DENND1A: variants seen among roughly 807,000 people sequenced by gnomAD.
DENND1A encodes the protein DENN domain containing 1A, also known as DENN domain-containing protein 1A.
DENND1A carries 51 observed loss-of-function variants against 113.7 expected under a neutral mutation model. The ratio of observed to expected loss-of-function variants is 0.45; its 90% CI spans 0.36 to 0.57. The LOEUF (loss-of-function observed/expected upper bound fraction) is 0.57. Among genes scored for constraint, DENND1A ranks in the 20% least tolerant of loss-of-function variants. The probability of loss-of-function intolerance (pLI) is 0.00; values close to 1 mark genes in which losing one functional copy is unlikely to be tolerated. For synonymous variants in DENND1A, 565 were observed against 570.8 expected, an observed-to-expected ratio of 0.99 and a Z score of 0.14; for missense variants, 1,258 against 1,395.9, an observed-to-expected ratio of 0.90 and a Z score of 1.57.
At position 123,422,572 on chromosome 9, in the gene DENND1A, C is replaced by T. The variant is rs184294786; in HGVS notation, c.1489-10743G>A. On this transcript the variant is annotated intron_variant, in intron 19 of 23. Transcript: ENST00000394215. The surrounding 1 kb of genome is among the most constrained non-coding windows in gnomAD (Gnocchi z 4.8). The stretch of plus-strand genomic sequence containing the variant: ...AGAACCTGGTTTTAAAATTCCTGGA[C>T]CTTGGAATACATTTCTATCTGTGTC... 7.9e-5 allele frequency among the ~76,000 whole-genome samples: 12 copies of T among 152,010 alleles called. No individual in the cohort carries two copies. Among genetic ancestry groups the T allele is most frequent in the Non-Finnish European group, 1.5e-4 (10 of 68,000 alleles).
At chr9:123,691,993 C>T (rs1296724269) in intron 5 of DENND1A, among the ~76,000 whole-genome samples, 1 of 152,166 alleles carries the variant, frequency 6.6e-6, no homozygotes, top group Non-Finnish European at 1.5e-5. Flanking sequence ...GAAGCAGTGT[C>T]CATTGTGAGA....
At chr9:123,545,570 C>T (rs2056612998) in intron 13 of DENND1A, among the ~76,000 whole-genome samples, 3 of 151,926 alleles carry the variant, frequency 2.0e-5, no homozygotes, top group African/African-American at 7.3e-5. Context: ...GGGTTCACAC[C>T]ATTCTCCTGC....
Position 123,387,840 on chromosome 9 carries a change from T to C in DENND1A, c.1650A>G (p.Arg550=), listed in dbSNP as rs562499486. ...CTTCGGAGAGGAAGACCGCATAGTG[T>C]CGCAAGGGCTTTACCAGGCTGGGGC... is the stretch of plus-strand genomic sequence containing the variant. ...PSPEHLVKPL[R]HYAVFLSEDS... is the part of the protein sequence containing the mutation. The change falls in exon 22 of 24, where the codon CGA becomes CGG. Residue 550 remains arginine, a synonymous_variant. Transcript: ENST00000394215. The C allele has an allele frequency of 4.7e-6, 6 of 1,289,732 alleles. No individual in the cohort carries two copies. The highest frequency in any genetic ancestry group is 4.0e-6 in the Non-Finnish European group (4 of 988,886). 79.9% of individuals were successfully genotyped at this position (1,289,732 alleles called of 1,614,324 possible).
In DENND1A at chr9:123,849,161, C is replaced by A. The variant is rs903525138; in HGVS notation, c.88+29790G>T. Among the ~76,000 whole-genome samples, 8 of 152,136 alleles carry A rather than the reference C, an allele frequency of 5.3e-5. No homozygotes were observed. In the South Asian group the frequency reaches 1.4e-3, roughly 28 times the overall value. ...AACCACCTTATATTAGAAGAAAATG[C>A]CATCTAGGACTTTCATAGCTAGAGA... On this transcript the variant is annotated intron_variant, in intron 2 of 23. Coordinates refer to ENST00000394215, the MANE Select transcript of DENND1A (RefSeq NM_001352964.2).
At chr9:123,743,743 T>TA (rs1021844484) in intron 5 of DENND1A, among the ~76,000 whole-genome samples, 1 of 150,744 alleles carries the variant, frequency 6.6e-6, no homozygotes, top group African/African-American at 2.4e-5. Flanking sequence ...AAAAAAAAAA[T>TA]AAAAAATAAA....
intron 2 of DENND1A, among the ~76,000 whole-genome samples, chr9:123,816,149 C>T (rs767799341): frequency 5.3e-5 from 8 of 152,006 alleles, no homozygotes; most frequent in Admixed American, 2.0e-4. Flanking sequence ...CAAAGGCTTG[C>T]GCCACCACAC....
intron 2 of DENND1A, among the ~76,000 whole-genome samples, chr9:123,824,165 C>T (rs1356021101): frequency 6.6e-6 from 1 of 152,122 alleles, no homozygotes; most frequent in Non-Finnish European, 1.5e-5. Context: ...TTCACAGTAA[C>T]CCTACAGAAG....
At chr9:123,636,485 GT>G (rs2061707861) in intron 9 of DENND1A, among the ~76,000 whole-genome samples, 1 of 151,680 alleles carries the variant, frequency 6.6e-6, no homozygotes, top group Non-Finnish European at 1.5e-5. Context: ...CCCAATTAAT[GT>G]TTGTATTTTT....
intron 15 of DENND1A, among the ~76,000 whole-genome samples, chr9:123,456,470 T>C (rs1158404133): frequency 2.6e-5 from 4 of 152,170 alleles, no homozygotes; most frequent in African/African-American, 9.7e-5. Context: ...CCTTCAGTTC[T>C]TCAGATCTGC....
At chr9:123,475,244 C>A (rs1240184917) in intron 13 of DENND1A, among the ~76,000 whole-genome samples, 4 of 152,310 alleles carry the variant, frequency 2.6e-5, no homozygotes, top group African/African-American at 7.2e-5. Context: ...GCCTCGAACT[C>A]CTGGCCTCAA....
intron 18 of DENND1A, among the ~76,000 whole-genome samples, chr9:123,440,758 T>C (rs1264621010): frequency 2.0e-5 from 3 of 152,226 alleles, no homozygotes; most frequent in Non-Finnish European, 4.4e-5. Flanking sequence ...TCCTACTCTC[T>C]TACACAGCCA....
intron 8 of DENND1A, among the ~76,000 whole-genome samples, chr9:123,659,435 A>C (rs540272861): frequency 1.3e-5 from 2 of 152,226 alleles, no homozygotes; most frequent in Non-Finnish European, 2.9e-5. Context: ...ATTAATCTCC[A>C]TAACCATGAA....
intron 13 of DENND1A, among the ~76,000 whole-genome samples, chr9:123,553,096 A>G (rs1463066563): frequency 6.6e-6 from 1 of 152,138 alleles, no homozygotes; most frequent in East Asian, 1.9e-4. Flanking sequence ...CTCTACAAAA[A>G]TTAAAAATAA....
chr9:123,835,660 G>GA (rs112937594), intron 2 of DENND1A, among the ~76,000 whole-genome samples: 1,294 of 111,388 alleles, frequency 0.012, 11 homozygotes, highest in East Asian at 0.073. Flanking sequence ...TGATTTCCAG[G>GA]AAAAAAAAAA....
At chr9:123,732,614 A>G (rs993612929) in intron 5 of DENND1A, among the ~76,000 whole-genome samples, 2 of 152,214 alleles carry the variant, frequency 1.3e-5, no homozygotes, top group Non-Finnish European at 2.9e-5. Flanking sequence ...CAGATATATG[A>G]CTACATATTT....
chr9:123,620,213 C>CAAAAAA (rs34196587), intron 10 of DENND1A, among the ~76,000 whole-genome samples: 103 of 58,876 alleles, frequency 1.7e-3, no homozygotes, highest in African/African-American at 4.5e-3. Flanking sequence ...GACTCCATCT[C>CAAAAAA]AAAAAAAAAA....
intron 9 of DENND1A, among the ~76,000 whole-genome samples, chr9:123,637,936 C>A (rs2138914599): frequency 2.3e-5 from 1 of 42,760 alleles, no homozygotes; most frequent in Middle Eastern, 0.01. Context: ...CACACACGCA[C>A]ACACACACAC....
intron 2 of DENND1A, among the ~76,000 whole-genome samples, chr9:123,796,416 A>C (rs1297570521): frequency 6.6e-6 from 1 of 152,150 alleles, no homozygotes; most frequent in East Asian, 1.9e-4. Context: ...CTCCTAAACA[A>C]ACATGTCTAA....
chr9:123,382,132 G>T lies in DENND1A; in HGVS notation c.2513C>A (p.Thr838Lys), dbSNP rs537978057. 1.9e-6 allele frequency: 3 copies of T among 1,590,514 alleles called. No homozygotes were observed. Among genetic ancestry groups the T allele is most frequent in the East Asian group, 2.3e-5 (1 of 44,232 alleles). Residue 838 changes from threonine (T) to lysine (K), a missense_variant, in exon 24 of 24, where the codon ACG becomes AAG. Around this residue, in one of 2 missense-constraint regions of DENND1A, gnomAD observed 1,159 missense variants for 1,231.7 expected, o/e 0.94. Transcript: ENST00000394215. ...GAGGGCGAGCAGGGCGTCACTGCTC[G>T]TGCCTGCAGCCCCGGGGCCAGGGCT... ...PLSPGPGAAGTSSDALLALLD... is the reference protein window; with the variant it reads ...PLSPGPGAAGKSSDALLALLD...
Sources: gnomAD v4.1 joint callset for allele counts (sites outside exome capture counted in the v4.1 genomes callset) on GRCh38, gnomAD v4.1.1 for gene constraint, gnomAD v4.1.1 regional missense constraint, Gnocchi (gnomAD v3.1) non-coding constraint, MANE v1.5 for transcripts, NCBI Gene and HGNC (gene_info 2026-07-23, HGNC 2026-07-21) for gene names.